SMAD9: variants seen among roughly 807,000 people sequenced by gnomAD.
SMAD9 encodes SMAD family member 9, also known as MAD homolog 9.
SMAD9 carries 36 observed loss-of-function variants against 46.1 expected under a neutral mutation model. The observed-to-expected ratio is 0.78, with a 90% CI of 0.60 to 1.03. SMAD9 has a LOEUF of 1.03. SMAD9 is among the 50% of genes least tolerant of loss of function. The probability of loss-of-function intolerance (pLI) is 0.00; values close to 1 mark genes in which losing one functional copy is unlikely to be tolerated. For synonymous variants in SMAD9, 245 were observed against 237.1 expected, an observed-to-expected ratio of 1.03 and a Z score of -0.31; for missense variants, 572 against 599.8, an observed-to-expected ratio of 0.95 and a Z score of 0.48.
At chr13:36,864,465 A>G (rs531105146) in intron 5 of SMAD9, among the ~76,000 whole-genome samples, 5 of 152,244 alleles carry the variant, frequency 3.3e-5, no homozygotes, top group South Asian at 4.1e-4. Flanking sequence ...TTGGTTAACA[A>G]TGCTAACCCT....
intron 1 of SMAD9, among the ~76,000 whole-genome samples, chr13:36,886,499 G>A (rs1303276778): frequency 6.6e-6 from 1 of 152,244 alleles, no homozygotes; most frequent in East Asian, 1.9e-4. Flanking sequence ...GTCTCCTAAA[G>A]GAAAGGACAA....
At chr13:36,900,604 C>T (rs1232552526) in intron 1 of SMAD9, among the ~76,000 whole-genome samples, 2 of 151,602 alleles carry the variant, frequency 1.3e-5, no homozygotes, top group East Asian at 3.9e-4. Flanking sequence ...ACTGCAAACC[C>T]CCACCACCCC....
chr13:36,896,766 A>ACTTC (rs10636485), intron 1 of SMAD9, among the ~76,000 whole-genome samples: 1 of 151,956 alleles, frequency 6.6e-6, no homozygotes, highest in Non-Finnish European at 1.5e-5. Context: ...ATTTTTGTGT[A>ACTTC]TTTTTTCTAA....
intron 1 of SMAD9, among the ~76,000 whole-genome samples, chr13:36,884,792 G>GT (rs2058431391): frequency 6.6e-6 from 1 of 152,128 alleles, no homozygotes; most frequent in African/African-American, 2.4e-5. Flanking sequence ...TAAAAACACC[G>GT]TTTGAGATGG....
chr13:36,854,840 ATT>A lies in SMAD9; in HGVS notation c.1004-1167_1004-1166del, dbSNP rs578007941. Among the ~76,000 whole-genome samples, 148 of 152,324 alleles carry A rather than the reference ATT, an allele frequency of 9.7e-4. 5 individuals carry two copies. The South Asian group carries it at 0.027, about 28-fold the overall frequency. On this transcript the variant is annotated intron_variant, in intron 5 of 6. Coordinates refer to ENST00000379826, the MANE Select transcript of SMAD9 (RefSeq NM_001127217.3). ...TACCTCAGAGATCTATTTCAATTAA[ATT>A]TGTCATCCACTAATATAAATCATAT...
At chr13:36,902,596 G>C (rs2058585619) in intron 1 of SMAD9, among the ~76,000 whole-genome samples, 1 of 151,876 alleles carries the variant, frequency 6.6e-6, no homozygotes, top group Non-Finnish European at 1.5e-5. Flanking sequence ...TGAGACTATA[G>C]GTGCCCGCCA....
chr13:36,867,287 G>A lies in SMAD9; in HGVS notation c.767C>T (p.Ser256Leu), dbSNP rs549928610. Residue 256 changes from serine to leucine, a missense_variant, in exon 4 of 7, where the codon TCG (serine) becomes TTG (leucine). By Grantham distance (145) the Ser-to-Leu change is moderately radical. Transcript: ENST00000379826. The part of the protein sequence containing the change: ...DATADRHVVL[S>L]IPNGDFRPVC... ...CTGCAATTTACCTCCATTTGGTATC[G>A]ATAGCACTACATGTCTATCAGCTGT... 21 of 1,545,708 alleles carry A rather than the reference G, an allele frequency of 1.4e-5. No individual in the cohort carries two copies. The African/African-American group carries it at 1.8e-4, about 13-fold the overall frequency.
intron 1 of SMAD9, 149 bp from the exon 2 acceptor site, chr13:36,880,024 T>C: frequency 2.7e-6 from 1 of 365,440 alleles, no homozygotes; most frequent in Non-Finnish European, 5.1e-6. Context: ...GCTGCGCCAC[T>C]GCACTCCAGC....
Position 36,848,576 on chromosome 13 carries a change from T to C in SMAD9, c.*100A>G, listed in dbSNP as rs1391351312. ...AAGAACAGTATACATTCTATGTATT[T>C]ACACATGTTTTTAGAAACTTCAGTT... On this transcript the variant is annotated 3_prime_UTR_variant, in exon 7 of 7. Coordinates refer to ENST00000379826, the MANE Select transcript of SMAD9 (RefSeq NM_001127217.3). 10 of 1,117,548 alleles carry C rather than the reference T, an allele frequency of 8.9e-6. No homozygotes were observed. The highest frequency in any genetic ancestry group is 1.4e-5 in the Non-Finnish European group (10 of 728,606). The allele number at this position is 1,117,548 out of a possible 1,614,324, so 69.2% of individuals were successfully genotyped here. A position where few individuals can be genotyped will look rare whatever the true frequency, so the allele number is the denominator to read the frequency against.
intron 1 of SMAD9, among the ~76,000 whole-genome samples, chr13:36,885,877 A>G (rs1484034568): frequency 6.6e-6 from 1 of 152,134 alleles, no homozygotes; most frequent in Non-Finnish European, 1.5e-5. Context: ...ACTGAATTAG[A>G]AAAAGGGGGA....
chr13:36,893,592 T>C (rs192218566), intron 1 of SMAD9, among the ~76,000 whole-genome samples: 174 of 151,656 alleles, frequency 1.1e-3, no homozygotes, highest in African/African-American at 3.9e-3. Flanking sequence ...TTGAATTTCA[T>C]ATAGTAATAA....
chr13:36,885,304 A>T (rs187317087), intron 1 of SMAD9, among the ~76,000 whole-genome samples: 1 of 152,338 alleles, frequency 6.6e-6, no homozygotes, highest in Admixed American at 6.5e-5. Context: ...TCTAGAAAAC[A>T]GCTGGCTGTT....
At chr13:36,892,572 A>G (rs1007049861) in intron 1 of SMAD9, among the ~76,000 whole-genome samples, 16 of 152,202 alleles carry the variant, frequency 1.1e-4, no homozygotes, top group African/African-American at 3.9e-4. Context: ...TGTCCTTTAA[A>G]GTTGACATCA....
chr13:36,877,797 T>C lies in SMAD9; in HGVS notation c.412+1481A>G, dbSNP rs567981268. 9.2e-5 allele frequency among the ~76,000 whole-genome samples: 14 copies of C among 152,098 alleles called. 1 individual carries two copies. Among genetic ancestry groups the C allele is most frequent in the African/African-American group, 3.1e-4 (13 of 41,416 alleles). On this transcript the variant is annotated intron_variant, in intron 2 of 6. Transcript: ENST00000379826. ...GCTGTGGGAGGCATCCACACACAGG[T>C]AGATGTTAAGTTCTGGGAGCTTGAA...
At chr13:36,914,720 C>T (rs1361012045) in intron 1 of SMAD9, among the ~76,000 whole-genome samples, 9 of 152,102 alleles carry the variant, frequency 5.9e-5, no homozygotes, top group African/African-American at 2.2e-4. Context: ...TCTGTGAATC[C>T]CTTTCTGCGT....
chr13:36,898,157 C>T (rs942773919), intron 1 of SMAD9, among the ~76,000 whole-genome samples: 10 of 151,916 alleles, frequency 6.6e-5, no homozygotes, highest in East Asian at 3.9e-4. Flanking sequence ...TGCACCCGGC[C>T]GAAATGTCCT....
intron 6 of SMAD9, among the ~76,000 whole-genome samples, chr13:36,850,803 C>CT (rs1166201776): frequency 6.6e-6 from 1 of 152,212 alleles, no homozygotes; most frequent in Admixed American, 6.5e-5. Flanking sequence ...AATCCAGACT[C>CT]TTATATCGAA....
chr13:36,918,917 C>A (rs9315454), intron 1 of SMAD9, among the ~76,000 whole-genome samples: 48,780 of 152,076 alleles, frequency 0.32, 9,315 homozygotes, highest in Non-Finnish European at 0.42. Flanking sequence ...AAATGCCTCA[C>A]GACTTAACGG....
intron 1 of SMAD9, among the ~76,000 whole-genome samples, chr13:36,893,880 T>C (rs1455199523): frequency 6.6e-6 from 1 of 152,274 alleles, no homozygotes; most frequent in South Asian, 2.1e-4. Context: ...TTATATTATA[T>C]GTTGTATTAT....
Sources: gnomAD v4.1 joint callset for allele counts (sites outside exome capture counted in the v4.1 genomes callset) on GRCh38, gnomAD v4.1.1 for gene constraint, MANE v1.5 for transcripts, NCBI Gene and HGNC (gene_info 2026-07-23, HGNC 2026-07-21) for gene names.